The following PLCB3 variants were observed in gnomAD, a reference collection of about 807,000 sequenced individuals.
PLCB3 encodes phospholipase C beta 3, also known as 1-phosphatidylinositol 4,5-bisphosphate phosphodiesterase beta-3.
In PLCB3, 54 loss-of-function variants were observed where a neutral mutation model predicts 152.1. The ratio of observed to expected loss-of-function variants is 0.36; its 90% CI spans 0.29 to 0.45. PLCB3 has a LOEUF of 0.45. PLCB3 is among the 20% of genes least tolerant of loss of function. The pLI is 1.00. For missense variants in PLCB3, 1,248 were observed against 1,687.5 expected (o/e 0.74, Z 4.56); for synonymous variants, 717 against 698.7 (o/e 1.03, Z -0.41).
At chr11:64,257,822 G>C (rs917546427) in intron 10 of PLCB3, among the ~76,000 whole-genome samples, 2 of 151,918 alleles carry the variant, frequency 1.3e-5, no homozygotes, top group African/African-American at 4.8e-5. Flanking sequence ...GACCTGATAT[G>C]ATATGTTTTT....
rs1220409589 is a variant in PLCB3 at position 64,254,822 on chromosome 11, T to C, written c.246+6T>C. 1 of 1,613,276 alleles carries C rather than the reference T, an allele frequency of 6.2e-7. No individual in the cohort carries two copies. Among genetic ancestry groups the C allele is most frequent in the Non-Finnish European group, 8.5e-7 (1 of 1,179,862 alleles). On this transcript the variant is annotated splice_donor_region_variant and intron_variant, in intron 3 of 30. Transcript: ENST00000279230. ...GGTACGCCCGCCTGCCCAAGGTGAG[T>C]GATGAGCCTGGGAGTGAAGACCACA...
rs761453570 is a variant in PLCB3, at chr11:64,264,080, C to T, written c.2620C>T (p.Arg874Trp). 6 of 1,554,128 alleles carry T rather than the reference C, an allele frequency of 3.9e-6. No homozygotes were observed. The highest frequency in any genetic ancestry group is 5.2e-6 in the Non-Finnish European group (6 of 1,151,712). The change falls in exon 22 of 31, where the codon CGG (arginine) becomes TGG (tryptophan). Residue 874 changes from arginine to tryptophan, a missense_variant. Around this residue, in one of 6 missense-constraint regions of PLCB3, gnomAD observed 477 missense variants for 489.6 expected, o/e 0.97. Transcript: ENST00000279230. ...CGTCAGCCTGATGGACCAGAGGGCC[C>T]GGCAGCTGGCCGCCCTCATTGGGGA... is the stretch of plus-strand genomic sequence containing the variant. ...KHVSLMDQRA[R>W]QLAALIGESE...
chr11:64,261,558 C>T (rs769934471), intron 15 of PLCB3, 23 bp from the exon 16 acceptor site: 41 of 1,613,220 alleles, frequency 2.5e-5, no homozygotes, highest in Non-Finnish European at 3.5e-5. Context: ...AGGTCTGACG[C>T]CCTTTCTTGG....
At position 64,266,626 on chromosome 11, in the gene PLCB3, C is replaced by A; in HGVS notation, c.3414+74C>A. The A allele has an allele frequency of 2.8e-6, 4 of 1,434,214 alleles. No individual in the cohort carries two copies. The highest frequency in any genetic ancestry group is 2.9e-6 in the Non-Finnish European group (3 of 1,017,860). The allele number at this position is 1,434,214 out of a possible 1,614,324, so 88.8% of individuals were successfully genotyped here. A position where few individuals can be genotyped will look rare whatever the true frequency, so the allele number is the denominator to read the frequency against. On this transcript the variant is annotated intron_variant, in intron 29 of 30. Transcript: ENST00000279230. This position sits in a 1 kb window ranked among gnomAD's most constrained non-coding sequence, Gnocchi z 4.9. ...ATCAGACACCCATCTCCATGCCTGG[C>A]CTGGTGCCACGTTGCCCTCAAGGTT...
Position 64,267,799 on chromosome 11 carries a change from A to G in PLCB3, c.*243A>G, listed in dbSNP as rs1309983331. 1 of 467,744 alleles carries G rather than the reference A, an allele frequency of 2.1e-6. No individual in the cohort carries two copies. Among genetic ancestry groups the G allele is most frequent in the African/African-American group, 2.0e-5 (1 of 48,914 alleles). The allele number at this position is 467,744 out of a possible 1,614,324, so 29.0% of individuals were successfully genotyped here. On this transcript the variant is annotated 3_prime_UTR_variant, in exon 31 of 31. Coordinates refer to ENST00000279230, the MANE Select transcript of PLCB3 (RefSeq NM_000932.5). The surrounding 1 kb of genome is among the most constrained non-coding windows in gnomAD (Gnocchi z 5.2). Reference sequence around the variant, plus strand: ...CCTGTGACACCCACACCCTCGAGCTAGCAGCGTCTCCTCCCTTCCCCGGGA... The same window carrying G: ...CCTGTGACACCCACACCCTCGAGCTGGCAGCGTCTCCTCCCTTCCCCGGGA...
At chr11:64,252,611 C>T (rs2031276483) in intron 1 of PLCB3, among the ~76,000 whole-genome samples, 1 of 152,142 alleles carries the variant, frequency 6.6e-6, no homozygotes, top group Non-Finnish European at 1.5e-5. Context: ...CTGGGTGGGG[C>T]CCCGGGGTAG....
At chr11:64,265,788 G>A in intron 25 of PLCB3, 98 bp from the exon 26 acceptor site, 1 of 1,446,960 alleles carries the variant, frequency 6.9e-7, no homozygotes, top group Non-Finnish European at 9.3e-7. Context: ...ATGGGATGGT[G>A]TCTGCCATCG....
rs1405847667 is a variant in PLCB3, at chr11:64,258,106, G to A, written c.1013-367G>A. 4.0e-5 allele frequency among the ~76,000 whole-genome samples: 6 copies of A among 150,086 alleles called. No individual in the cohort carries two copies. The East Asian group carries it at 1.2e-3, about 30-fold the overall frequency. On this transcript the variant is annotated intron_variant, in intron 10 of 30. Coordinates refer to ENST00000279230, the MANE Select transcript of PLCB3 (RefSeq NM_000932.5). The surrounding 1 kb of genome is among the most constrained non-coding windows in gnomAD (Gnocchi z 7.2). ...GAGGCGGAGGTTGCAGTGAACCGAG[G>A]TTGTGCCACTGCACTCCAGCCTGGG...
In PLCB3 at chr11:64,258,825, C is replaced by G; in HGVS notation, c.1254-60C>G. 6.2e-7 allele frequency: 1 copy of G among 1,607,394 alleles called. No homozygotes were observed. Among genetic ancestry groups the G allele is most frequent in the Non-Finnish European group, 8.5e-7 (1 of 1,174,190 alleles). On this transcript the variant is annotated intron_variant, in intron 11 of 30. Coordinates refer to ENST00000279230, the MANE Select transcript of PLCB3 (RefSeq NM_000932.5). This position sits in a 1 kb window ranked among gnomAD's most constrained non-coding sequence, Gnocchi z 7.2. ...CCTGCGAACGGCCACTGACATGTCCCGTAGACCTCAGCTTCCTCTCTGGGG... is the reference window on the plus strand; with the variant it reads ...CCTGCGAACGGCCACTGACATGTCCGGTAGACCTCAGCTTCCTCTCTGGGG...
chr11:64,262,644 C>A lies in PLCB3; in HGVS notation c.2194-3C>A, dbSNP rs1370528242. 6.2e-7 allele frequency: 1 copy of A among 1,613,906 alleles called. No individual in the cohort carries two copies. Among genetic ancestry groups the A allele is most frequent in the African/African-American group, 1.3e-5 (1 of 75,050 alleles). Reference sequence around the variant, plus strand: ...CGCCTCACCCTCCTTGGCCCACCCCCAGGTGATCTCAGGGCAGTTCCTGTC... The same window carrying A: ...CGCCTCACCCTCCTTGGCCCACCCCAAGGTGATCTCAGGGCAGTTCCTGTC... On this transcript the variant is annotated splice_region_variant and splice_polypyrimidine_tract_variant and intron_variant, in intron 18 of 30. Transcript: ENST00000279230.
chr11:64,259,956 G>A, intron 13 of PLCB3, 73 bp from the exon 14 acceptor site: 3 of 1,322,464 alleles, frequency 2.3e-6, no homozygotes, highest in Non-Finnish European at 3.2e-6. Flanking sequence ...GCACACACTG[G>A]GAAAAACCCC....
At position 64,266,682 on chromosome 11, in the gene PLCB3, C is replaced by A; in HGVS notation, c.3414+130C>A. ...AGGGCCTTTCTCAAGTGCCCAACAG[C>A]CCCAGGGTACCCACATCATACCCAA... On this transcript the variant is annotated intron_variant, in intron 29 of 30. Transcript: ENST00000279230. This position sits in a 1 kb window ranked among gnomAD's most constrained non-coding sequence, Gnocchi z 4.9. The A allele has an allele frequency of 2.4e-6, 2 of 826,724 alleles. No homozygotes were observed. The highest frequency in any genetic ancestry group is 4.0e-6 in the Non-Finnish European group (2 of 498,930). The allele number at this position is 826,724 out of a possible 1,614,324, so 51.2% of individuals were successfully genotyped here. A position where few individuals can be genotyped will look rare whatever the true frequency, so the allele number is the denominator to read the frequency against.
intron 14 of PLCB3, 61 bp downstream of exon 14, chr11:64,260,295 G>A (rs1157838092): frequency 4.0e-6 from 5 of 1,246,832 alleles, no homozygotes; most frequent in Non-Finnish European, 4.5e-6. Context: ...CAGGGGGCTG[G>A]GTCTGACCAT....
chr11:64,259,519 C>T (rs577302917), intron 13 of PLCB3, among the ~76,000 whole-genome samples: 1 of 152,220 alleles, frequency 6.6e-6, no homozygotes, highest in African/African-American at 2.4e-5. Context: ...GGTGATGGCT[C>T]TGAAGGCTGA....
intron 14 of PLCB3, among the ~76,000 whole-genome samples, chr11:64,261,030 G>A (rs1412585427): frequency 3.3e-5 from 5 of 152,152 alleles, no homozygotes; most frequent in South Asian, 4.1e-4. Context: ...TGGGCCAGGC[G>A]AGGTGGCTCA....
Position 64,255,631 on chromosome 11 carries a change from G to GGGGC in PLCB3, c.597+15_597+16insGGGC. 4.3e-5 allele frequency: 26 copies of GGGGC among 603,852 alleles called. No individual in the cohort carries two copies. The highest frequency in any genetic ancestry group is 7.5e-5 in the Non-Finnish European group (24 of 321,374). The allele number at this position is 603,852 out of a possible 1,614,324, so 37.4% of individuals were successfully genotyped here. On this transcript the variant is annotated intron_variant, in intron 7 of 30. Transcript: ENST00000279230. This position sits in a 1 kb window ranked among gnomAD's most constrained non-coding sequence, Gnocchi z 6.8. ...AATTCAACCGGGTGTGTGGGGTGGG[G>GGGGC]ACAGGGGCGGGGTGGGGTGTCACGG...
rs1338793509 is a variant in PLCB3 at position 64,265,893 on chromosome 11, G to A, written c.3043G>A (p.Ala1015Thr). The A allele has an allele frequency of 2.5e-6, 4 of 1,612,558 alleles. No homozygotes were observed. The highest frequency in any genetic ancestry group is 2.2e-5 in the South Asian group (2 of 90,982). Residue 1015 changes from alanine to threonine, a missense_variant, in exon 26 of 31, where the codon GCC becomes ACC. Ala to Thr is a moderately conservative substitution (Grantham distance 58, BLOSUM62 0). Transcript: ENST00000279230. Reference sequence around the variant, plus strand: ...GAGGGGTTCTCCTCGCAGAGGTGGGGCCGCTGATGTGGAGGACACGAAGGA... The same window carrying A: ...GAGGGGTTCTCCTCGCAGAGGTGGGACCGCTGATGTGGAGGACACGAAGGA... Reference protein sequence around the residue: ...CRLRPGALGGAADVEDTKEGE... With the variant: ...CRLRPGALGGTADVEDTKEGE...
chr11:64,256,244 A>AC (rs2031521899), intron 8 of PLCB3, 132 bp from the exon 9 acceptor site: 2 of 739,288 alleles, frequency 2.7e-6, no homozygotes, highest in Non-Finnish European at 4.5e-6. Context: ...GCCATGACTC[A>AC]CCCAGAGTCC....
At position 64,266,698 on chromosome 11, in the gene PLCB3, T is replaced by A; in HGVS notation, c.3414+146T>A. 1 of 756,820 alleles carries A rather than the reference T, an allele frequency of 1.3e-6. No homozygotes were observed. The highest frequency in any genetic ancestry group is 2.3e-6 in the Non-Finnish European group (1 of 444,424). 46.9% of individuals were successfully genotyped at this position (756,820 alleles called of 1,614,324 possible). ...GCCCAACAGCCCCAGGGTACCCACA[T>A]CATACCCAAAGCCAACTGTCTGTAC... On this transcript the variant is annotated intron_variant, in intron 29 of 30. Transcript: ENST00000279230. The surrounding 1 kb of genome is among the most constrained non-coding windows in gnomAD (Gnocchi z 4.9).
Sources: allele counts gnomAD v4.1 joint callset (sites outside exome capture counted in the v4.1 genomes callset), GRCh38; gene constraint gnomAD v4.1.1; regional missense constraint gnomAD v4.1.1; non-coding constraint Gnocchi (gnomAD v3.1); transcripts MANE v1.5; gene names NCBI Gene and HGNC (gene_info 2026-07-23, HGNC 2026-07-21).